NECAB2: variants seen among roughly 807,000 people sequenced by gnomAD.
NECAB2 encodes the protein N-terminal EF-hand calcium-binding protein 2.
In NECAB2, 68 loss-of-function variants were observed where a neutral mutation model predicts 51.9. That is an observed-to-expected ratio of 1.31 (90% CI 1.08 to 1.60). The LOEUF (loss-of-function observed/expected upper bound fraction) is 1.60. Ranked by LOEUF, NECAB2 falls within the 40% of genes most tolerant of loss-of-function variation. The probability of loss-of-function intolerance (pLI) is 0.00; values close to 1 mark genes in which losing one functional copy is unlikely to be tolerated. For synonymous variants in NECAB2, 329 were observed against 203.5 expected, an observed-to-expected ratio of 1.62 and a Z score of -5.25; for missense variants, 854 against 490.3, an observed-to-expected ratio of 1.74 and a Z score of -7.00.
chr16:83,998,881 G>C (rs752132695), intron 10 of NECAB2, among the ~76,000 whole-genome samples: 1 of 152,214 alleles, frequency 6.6e-6, no homozygotes, highest in Non-Finnish European at 1.5e-5. Flanking sequence ...CCAGGCTGAT[G>C]TAGCTCCTTG....
rs1185509787 is a variant in NECAB2, at chr16:83,980,849, A to C, written c.346A>C (p.Thr116Pro). 6.3e-7 allele frequency: 1 copy of C among 1,597,550 alleles called. No individual in the cohort carries two copies. The highest frequency in any genetic ancestry group is 8.5e-7 in the Non-Finnish European group (1 of 1,171,492). ...TGTCTGTCTCTGCAGCCATGTGGAC[A>C]CCAAGGAGCTGTGTGGTAGGTGCCT... is the stretch of plus-strand genomic sequence containing the variant. Reference protein sequence around the residue: ...IDSDNTNHVDTKELCDYFVDH... With the variant: ...IDSDNTNHVDPKELCDYFVDH... The change falls in exon 4 of 13, where the codon ACC becomes CCC. Residue 116 changes from threonine (T) to proline (P), a missense_variant. Coordinates refer to ENST00000305202, the MANE Select transcript of NECAB2 (RefSeq NM_019065.3).
chr16:83,974,481 CTG>C (rs1358632019), intron 2 of NECAB2, among the ~76,000 whole-genome samples: 2 of 152,154 alleles, frequency 1.3e-5, no homozygotes, highest in African/African-American at 4.8e-5. Flanking sequence ...TTTGATTCCT[CTG>C]TGCTCAGCAG....
At chr16:83,999,362 C>T (rs1249946466) in intron 10 of NECAB2, among the ~76,000 whole-genome samples, 1 of 152,176 alleles carries the variant, frequency 6.6e-6, no homozygotes, top group Non-Finnish European at 1.5e-5. Context: ...AAGTGGGAGG[C>T]TCCAGGGTGA....
intron 6 of NECAB2, 49 bp downstream of exon 6, chr16:83,990,679 C>G (rs367618584): frequency 6.3e-7 from 1 of 1,597,456 alleles, no homozygotes; most frequent in African/African-American, 1.3e-5. Flanking sequence ...GCCGTGCACG[C>G]GCACGTGCCC....
Position 83,990,818 on chromosome 16 carries a change from C to A in NECAB2, c.596+188C>A, listed in dbSNP as rs538196139. 1.3e-4 allele frequency among the ~76,000 whole-genome samples: 20 copies of A among 152,114 alleles called. No homozygotes were observed. The East Asian group carries it at 3.9e-3, about 30-fold the overall frequency. On this transcript the variant is annotated intron_variant, in intron 6 of 12. Transcript: ENST00000305202. ...ACAATTATATACCTAAAATCTCAGC[C>A]ATTGCAAGGATTGAATGAGATAGTA...
chr16:84,001,441 A>T (rs4997521), intron 11 of NECAB2, among the ~76,000 whole-genome samples: 3 of 151,990 alleles, frequency 2.0e-5, no homozygotes, highest in Admixed American at 2.0e-4. Flanking sequence ...GAGAAGTGAG[A>T]GTGTCCCCTC....
chr16:84,000,596 A>AAGAC lies in NECAB2; in HGVS notation c.963-125_963-122dup, dbSNP rs1035850833. ...ACCCTGTCGAGTCTCGATGGAGGTC[A>AAGAC]AGACAGGAAGAAACATTGAAGGCAG... On this transcript the variant is annotated intron_variant, in intron 10 of 12. Transcript: ENST00000305202. The AAGAC allele has an allele frequency of 1.7e-4, 120 of 687,482 alleles. No homozygotes were observed. In the African/African-American group the frequency reaches 2.1e-3, roughly 12 times the overall value. 42.6% of individuals were successfully genotyped at this position (687,482 alleles called of 1,614,324 possible). A position where few individuals can be genotyped will look rare whatever the true frequency, so the allele number is the denominator to read the frequency against.
chr16:83,966,263 AC>A (rs2084279279), upstream of NECAB2: 6 of 520,738 alleles, frequency 1.2e-5, no homozygotes, highest in African/African-American at 9.5e-5. Flanking sequence ...CCAGCTGAGC[AC>A]CCAGCCAGGA....
intron 5 of NECAB2, among the ~76,000 whole-genome samples, chr16:83,985,897 A>G: frequency 6.6e-6 from 1 of 152,208 alleles, no homozygotes; most frequent in African/African-American, 2.4e-5. Context: ...GAATTAGCAG[A>G]TCTGAAAACA....
At chr16:83,971,926 G>A (rs555112647) in intron 1 of NECAB2, 2 of 613,592 alleles carry the variant, frequency 3.3e-6, no homozygotes, top group Admixed American at 2.9e-5. Context: ...TGGTGGTACT[G>A]GCAGCCGCTT....
At chr16:83,993,899 C>G (rs2084658656) in intron 6 of NECAB2, among the ~76,000 whole-genome samples, 1 of 152,088 alleles carries the variant, frequency 6.6e-6, no homozygotes, top group South Asian at 2.1e-4. Flanking sequence ...CAGAGGGCAC[C>G]AAACATTAAA....
At position 84,001,086 on chromosome 16, in the gene NECAB2, C is replaced by A. The variant is rs116424431; in HGVS notation, c.1040+285C>A. The stretch of plus-strand genomic sequence containing the variant: ...GTCCTCCTGGAACAGCCCTGGGGGC[C>A]GAGGCACTGCCTTCTTTACCACCCT... On this transcript the variant is annotated intron_variant, in intron 11 of 12. Coordinates refer to ENST00000305202, the MANE Select transcript of NECAB2 (RefSeq NM_019065.3). 1.1e-4 allele frequency among the ~76,000 whole-genome samples: 16 copies of A among 152,182 alleles called. No homozygotes were observed. The East Asian group carries it at 2.7e-3, about 26-fold the overall frequency.
upstream of NECAB2, among the ~76,000 whole-genome samples, chr16:83,966,527 C>T (rs2084282418): frequency 6.6e-6 from 1 of 152,066 alleles, no homozygotes; most frequent in African/African-American, 2.4e-5. Flanking sequence ...GGCAGCTGTA[C>T]TAGAGTCTGG....
In NECAB2 at chr16:83,998,130, C is replaced by T. The variant is rs557451245; in HGVS notation, c.850-75C>T. The T allele has an allele frequency of 8.3e-6, 11 of 1,327,316 alleles. No individual in the cohort carries two copies. The African/African-American group carries it at 1.4e-4, about 17-fold the overall frequency. The allele number at this position is 1,327,316 out of a possible 1,614,324, so 82.2% of individuals were successfully genotyped here. ...TTTATTTTGACCGAGGAAGGGAGGTCATGGGGGCCTGATGGGGTGTTTAGG... is the reference window on the plus strand; with the variant it reads ...TTTATTTTGACCGAGGAAGGGAGGTTATGGGGGCCTGATGGGGTGTTTAGG... On this transcript the variant is annotated intron_variant, in intron 9 of 12. Transcript: ENST00000305202.
At chr16:84,001,196 G>C (rs2084825455) in intron 11 of NECAB2, among the ~76,000 whole-genome samples, 1 of 151,818 alleles carries the variant, frequency 6.6e-6, no homozygotes, top group Non-Finnish European at 1.5e-5. Flanking sequence ...CCAGCTGAGT[G>C]CCCGGTACGA....
chr16:83,996,234 G>A lies in NECAB2; in HGVS notation c.796-982G>A, dbSNP rs992961377. On this transcript the variant is annotated intron_variant, in intron 8 of 12. Transcript: ENST00000305202. Reference sequence around the variant, plus strand: ...CTTTTCCAGCCCCAGGACCCCTCACGTATGCTTGTAAAACCATGGAAACAG... The same window carrying A: ...CTTTTCCAGCCCCAGGACCCCTCACATATGCTTGTAAAACCATGGAAACAG... Among the ~76,000 whole-genome samples the A allele has an allele frequency of 6.6e-5, 10 of 152,272 alleles. No homozygotes were observed. In the South Asian group the frequency reaches 1.0e-3, roughly 16 times the overall value.
At position 83,996,606 on chromosome 16, in the gene NECAB2, CA is replaced by C. The variant is rs200963748; in HGVS notation, c.796-609del. On this transcript the variant is annotated intron_variant, in intron 8 of 12. Coordinates refer to ENST00000305202, the MANE Select transcript of NECAB2 (RefSeq NM_019065.3). ...CATGAGCCTGTGCGTCAGGTAGACA[CA>C]CTGGGTTCAGACCCACGCTCTGACA... Among the ~76,000 whole-genome samples, 694 of 152,244 alleles carry C rather than the reference CA, an allele frequency of 4.6e-3. 2 individuals are homozygous for C. Among genetic ancestry groups the C allele is most frequent in the Non-Finnish European group, 6.1e-3 (416 of 68,028 alleles).
intron 6 of NECAB2, chr16:83,993,416 T>A (rs1395792862): frequency 6.5e-6 from 1 of 153,436 alleles, no homozygotes; most frequent in East Asian, 1.9e-4. Flanking sequence ...AGAGACAAAT[T>A]CCAGAATGCA....
chr16:83,980,785 C>T, intron 3 of NECAB2, 54 bp from the exon 4 acceptor site: 2 of 1,547,430 alleles, frequency 1.3e-6, no homozygotes, highest in South Asian at 2.4e-5. Context: ...CAGGGTCAGG[C>T]CTGCTAACCC....
Sources: gnomAD v4.1 joint callset for allele counts (sites outside exome capture counted in the v4.1 genomes callset) on GRCh38, gnomAD v4.1.1 for gene constraint, MANE v1.5 for transcripts, NCBI Gene and HGNC (gene_info 2026-07-23, HGNC 2026-07-21) for gene names.